The following ADGRB3 variants were observed in gnomAD, a reference collection of about 807,000 sequenced individuals.
ADGRB3 encodes the protein adhesion G protein-coupled receptor B3.
ADGRB3 carries 37 observed loss-of-function variants against 193.4 expected under a neutral mutation model. That is an observed-to-expected ratio of 0.19 (90% confidence interval 0.15 to 0.25). The LOEUF is 0.25. ADGRB3 is among the 10% of genes least tolerant of loss of function. The pLI, the probability that ADGRB3 is intolerant of heterozygous loss-of-function variation, is 1.00. For missense variants in ADGRB3, 1,637 were observed against 1,852.9 expected (o/e 0.88, Z 2.14); for synonymous variants, 690 against 644.2 (o/e 1.07, Z -1.08).
intron 3 of ADGRB3, among the ~76,000 whole-genome samples, chr6:68,704,461 T>A (rs182596767): frequency 6.6e-6 from 1 of 152,288 alleles, no homozygotes; most frequent in African/African-American, 2.4e-5. Context: ...TAGAAAATAT[T>A]TCTATCAATA....
At chr6:69,008,186 A>C (rs1207997254) in intron 11 of ADGRB3, among the ~76,000 whole-genome samples, 8 of 152,096 alleles carry the variant, frequency 5.3e-5, no homozygotes, top group African/African-American at 1.7e-4. Context: ...CACTGTCTGA[A>C]ATCATCCTTT....
chr6:69,103,083 C>A (rs1773109845), intron 17 of ADGRB3, among the ~76,000 whole-genome samples: 1 of 151,992 alleles, frequency 6.6e-6, no homozygotes, highest in African/African-American at 2.4e-5. Context: ...ATTAAAGTTT[C>A]AAAGTGTTCA....
At chr6:68,773,710 C>T (rs1374458257) in intron 3 of ADGRB3, among the ~76,000 whole-genome samples, 2 of 152,086 alleles carry the variant, frequency 1.3e-5, no homozygotes, top group Non-Finnish European at 2.9e-5. Context: ...AGGAATAAGA[C>T]ATAGTCCAGA....
chr6:69,015,032 ATTTT>A (rs1007238987), intron 12 of ADGRB3, among the ~76,000 whole-genome samples: 1 of 151,798 alleles, frequency 6.6e-6, no homozygotes, highest in Non-Finnish European at 1.5e-5. Context: ...AAAAACCCTT[ATTTT>A]AATACTTTAA....
chr6:68,795,626 T>C (rs1767192643), intron 3 of ADGRB3, among the ~76,000 whole-genome samples: 1 of 152,144 alleles, frequency 6.6e-6, no homozygotes, highest in South Asian at 2.1e-4. Context: ...TTTTAATTTT[T>C]AAAAGTTGAA....
At chr6:68,952,746 T>C (rs1313375013) in intron 6 of ADGRB3, among the ~76,000 whole-genome samples, 1 of 152,032 alleles carries the variant, frequency 6.6e-6, no homozygotes, top group East Asian at 1.9e-4. Context: ...AAATGCCCAC[T>C]TGATGTATCT....
chr6:68,988,590 G>C (rs1002614330), intron 10 of ADGRB3, among the ~76,000 whole-genome samples: 1 of 152,118 alleles, frequency 6.6e-6, no homozygotes, highest in Non-Finnish European at 1.5e-5. Context: ...TCTCTCAAAA[G>C]AAAGACCTAG....
chr6:68,938,482 G>T (rs1767543942), intron 5 of ADGRB3, among the ~76,000 whole-genome samples: 1 of 146,470 alleles, frequency 6.8e-6, no homozygotes, highest in African/African-American at 2.5e-5. Flanking sequence ...GTTGTGAAAT[G>T]GTTAAATCTA....
intron 20 of ADGRB3, among the ~76,000 whole-genome samples, chr6:69,304,713 C>T (rs185086280): frequency 2.4e-4 from 37 of 151,590 alleles, no homozygotes; most frequent in Admixed American, 2.0e-3. Context: ...ATTCTTGACT[C>T]CTTCTCTGAC....
intron 3 of ADGRB3, among the ~76,000 whole-genome samples, chr6:68,649,897 C>T (rs555235972): frequency 1.3e-5 from 2 of 152,250 alleles, no homozygotes; most frequent in South Asian, 2.1e-4. Flanking sequence ...GCTCTGGTGA[C>T]CACGCGCCTT....
At chr6:68,797,274 T>C (rs999818626) in intron 3 of ADGRB3, among the ~76,000 whole-genome samples, 2 of 152,078 alleles carry the variant, frequency 1.3e-5, no homozygotes, top group Non-Finnish European at 2.9e-5. Flanking sequence ...GACAAACAAA[T>C]GATCTGTGGA....
At chr6:69,273,824 A>G (rs1350224102) in intron 20 of ADGRB3, among the ~76,000 whole-genome samples, 1 of 152,180 alleles carries the variant, frequency 6.6e-6, no homozygotes, top group African/African-American at 2.4e-5. Context: ...GCTTTCCTCT[A>G]TGTTTCCGCC....
At chr6:68,970,441 C>T (rs1363235729) in intron 8 of ADGRB3, among the ~76,000 whole-genome samples, 1 of 151,988 alleles carries the variant, frequency 6.6e-6, no homozygotes, top group East Asian at 1.9e-4. Context: ...TGCTTCAGCA[C>T]CTGTAGCAGG....
intron 17 of ADGRB3, among the ~76,000 whole-genome samples, chr6:69,092,098 A>C (rs1287410254): frequency 6.6e-6 from 1 of 152,218 alleles, no homozygotes; most frequent in African/African-American, 2.4e-5. Flanking sequence ...CTTGGCCTCC[A>C]GAGACTTCTT....
intron 28 of ADGRB3, among the ~76,000 whole-genome samples, chr6:69,356,621 A>C (rs1561997618): frequency 6.6e-6 from 1 of 152,108 alleles, no homozygotes; most frequent in Non-Finnish European, 1.5e-5. Context: ...TCCACCAAGT[A>C]ATGGTTGTTG....
chr6:68,708,750 AG>A, intron 3 of ADGRB3, among the ~76,000 whole-genome samples: 1 of 152,354 alleles, frequency 6.6e-6, no homozygotes, highest in Admixed American at 6.5e-5. Flanking sequence ...TCAGATTTAA[AG>A]CTTCCTTTGA....
chr6:69,101,433 C>CGTGTGTGTGTTTGT (rs1554262208), intron 17 of ADGRB3, among the ~76,000 whole-genome samples: 1 of 145,286 alleles, frequency 6.9e-6, no homozygotes, highest in Non-Finnish European at 1.5e-5. Context: ...CAGTAAGTAT[C>CGTGTGTGTGTTTGT]GTGTGTGTGT....
chr6:68,772,894 AATATATATATATATATATATATATAT>A (rs1208790675), intron 3 of ADGRB3, among the ~76,000 whole-genome samples: 19 of 22,886 alleles, frequency 8.3e-4, no homozygotes, highest in South Asian at 3.9e-3. Context: ...AAAAAAAAAA[AATATATATATATATATATATATATAT>A]ATATATATAT....
chr6:69,338,846 G>A (rs1768908934), intron 24 of ADGRB3, 70 bp from the exon 25 acceptor site: 1 of 1,375,056 alleles, frequency 7.3e-7, no homozygotes, highest in Admixed American at 1.8e-5. Flanking sequence ...AAGCTAACTT[G>A]AAGCAGCAAT....
Sources: allele counts gnomAD v4.1 joint callset (sites outside exome capture counted in the v4.1 genomes callset), GRCh38; gene constraint gnomAD v4.1.1; transcripts MANE v1.5; gene names NCBI Gene and HGNC (gene_info 2026-07-23, HGNC 2026-07-21).